The following ELOVL6 variants were observed in gnomAD, a reference collection of about 807,000 sequenced individuals.
ELOVL6 encodes the protein ELOVL fatty acid elongase 6.
A neutral mutation model predicts 31.7 loss-of-function variants in ELOVL6; 8 were observed. That is an observed-to-expected ratio of 0.25 (90% CI 0.15 to 0.45). The LOEUF is 0.45. Among genes scored for constraint, ELOVL6 ranks in the 20% least tolerant of loss-of-function variants. The probability of loss-of-function intolerance (pLI) is 1.00; values close to 1 mark genes in which losing one functional copy is unlikely to be tolerated. For missense variants in ELOVL6, 126 were observed against 326.4 expected (o/e 0.39, Z 4.73); for synonymous variants, 101 against 117.7 (o/e 0.86, Z 0.92).
chr4:110,130,019 T>G (rs1225149393), intron 1 of ELOVL6, among the ~76,000 whole-genome samples: 1 of 148,934 alleles, frequency 6.7e-6, no homozygotes, highest in African/African-American at 2.5e-5. Flanking sequence ...TGCCTCAGCC[T>G]CCTGAGTAGC....
chr4:110,091,962 A>G (rs936391726), intron 2 of ELOVL6, among the ~76,000 whole-genome samples: 6 of 152,216 alleles, frequency 3.9e-5, no homozygotes, highest in Non-Finnish European at 7.3e-5. Context: ...GATAACAATG[A>G]ATACAGTGAG....
intron 1 of ELOVL6, among the ~76,000 whole-genome samples, chr4:110,130,428 C>CG (rs1380770422): frequency 1.3e-5 from 2 of 151,906 alleles, no homozygotes; most frequent in African/African-American, 4.8e-5. Context: ...CATAAGACAG[C>CG]GGGGAAACAA....
At chr4:110,134,418 A>G (rs2126258724) in intron 1 of ELOVL6, among the ~76,000 whole-genome samples, 1 of 152,280 alleles carries the variant, frequency 6.6e-6, no homozygotes, top group Non-Finnish European at 1.5e-5. Flanking sequence ...AGTCACTATG[A>G]CACATGGAAG....
At chr4:110,166,537 C>T (rs546267619) in intron 1 of ELOVL6, among the ~76,000 whole-genome samples, 13 of 152,050 alleles carry the variant, frequency 8.5e-5, no homozygotes, top group Admixed American at 5.2e-4. Flanking sequence ...CGCTTGAACC[C>T]GGGAGGAGGG....
At chr4:110,166,187 T>A (rs562638974) in intron 1 of ELOVL6, among the ~76,000 whole-genome samples, 1 of 152,344 alleles carries the variant, frequency 6.6e-6, no homozygotes, top group East Asian at 1.9e-4. Flanking sequence ...GACTGCAGTG[T>A]TCTTTGACAT....
chr4:110,187,036 A>T lies in ELOVL6; in HGVS notation c.89+11211T>A, dbSNP rs536030044. Among the ~76,000 whole-genome samples, 256 of 151,254 alleles carry T rather than the reference A, an allele frequency of 1.7e-3. 1 individual carries two copies. Among genetic ancestry groups the T allele is most frequent in the Non-Finnish European group, 3.0e-3 (203 of 67,840 alleles). On this transcript the variant is annotated intron_variant, in intron 1 of 3. Coordinates refer to ENST00000302274, the MANE Select transcript of ELOVL6 (RefSeq NM_024090.3). ...ATGATGTCATGTAATAGTTATTATA[A>T]TTAGCCAATCCTTATCTTCACTCAT... is the stretch of plus-strand genomic sequence containing the variant.
At chr4:110,152,139 G>GC (rs1157258195) in intron 1 of ELOVL6, among the ~76,000 whole-genome samples, 5 of 151,940 alleles carry the variant, frequency 3.3e-5, no homozygotes, top group Admixed American at 6.5e-5. Flanking sequence ...CCTCCCATAT[G>GC]CCCCCCCAAA....
chr4:110,067,884 A>T (rs989886687), intron 2 of ELOVL6, among the ~76,000 whole-genome samples: 2 of 152,154 alleles, frequency 1.3e-5, no homozygotes, highest in Non-Finnish European at 2.9e-5. Context: ...TATGTCTTTC[A>T]CATATTTTAA....
intron 1 of ELOVL6, among the ~76,000 whole-genome samples, chr4:110,168,086 T>C (rs1475256964): frequency 2.6e-5 from 4 of 152,172 alleles, no homozygotes; most frequent in Non-Finnish European, 1.5e-5. Flanking sequence ...TATCAATTTA[T>C]GAACAGAGCC....
intron 2 of ELOVL6, among the ~76,000 whole-genome samples, chr4:110,072,875 A>G (rs1295448615): frequency 6.6e-6 from 1 of 152,146 alleles, no homozygotes; most frequent in Non-Finnish European, 1.5e-5. Flanking sequence ...AGCCCTAATC[A>G]AAGCCTTCCA....
At chr4:110,111,285 A>G (rs185617773) in intron 1 of ELOVL6, among the ~76,000 whole-genome samples, 42 of 152,222 alleles carry the variant, frequency 2.8e-4, no homozygotes, top group African/African-American at 1.0e-3. Context: ...AAAACGAAAA[A>G]ACTGCACATC....
At chr4:110,129,407 G>A (rs140834753) in intron 1 of ELOVL6, among the ~76,000 whole-genome samples, 89 of 152,278 alleles carry the variant, frequency 5.8e-4, no homozygotes, top group Non-Finnish European at 9.1e-4. Context: ...CCCACAAGAC[G>A]TTCTTTGATT....
At chr4:110,194,933 C>T (rs751649153) in intron 1 of ELOVL6, among the ~76,000 whole-genome samples, 22 of 152,156 alleles carry the variant, frequency 1.4e-4, no homozygotes, top group Admixed American at 3.3e-4. Flanking sequence ...TTTATAAGGA[C>T]AACCATAAAT....
At chr4:110,156,085 G>A (rs1758408677) in intron 1 of ELOVL6, among the ~76,000 whole-genome samples, 1 of 152,168 alleles carries the variant, frequency 6.6e-6, no homozygotes, top group South Asian at 2.1e-4. Context: ...GACAAATAAA[G>A]GAATAGAAAA....
intron 2 of ELOVL6, among the ~76,000 whole-genome samples, chr4:110,100,182 G>T (rs1424829192): frequency 1.3e-5 from 2 of 152,122 alleles, no homozygotes; most frequent in Admixed American, 6.5e-5. Flanking sequence ...CTGGTGATTT[G>T]GTTCTGAAAA....
intron 1 of ELOVL6, among the ~76,000 whole-genome samples, chr4:110,114,482 A>G (rs1192424979): frequency 6.6e-6 from 1 of 152,142 alleles, no homozygotes; most frequent in Non-Finnish European, 1.5e-5. Flanking sequence ...TTCCTGGCTG[A>G]TGGTCCTCTA....
At chr4:110,107,530 T>C (rs1425603998) in intron 1 of ELOVL6, among the ~76,000 whole-genome samples, 1 of 152,210 alleles carries the variant, frequency 6.6e-6, no homozygotes, top group Non-Finnish European at 1.5e-5. Flanking sequence ...AAGACATTGA[T>C]TATTTCTATA....
rs1470574642 is a variant in ELOVL6 at position 110,094,443 on chromosome 4, A to ATAT, written c.221+11053_221+11054insATA. On this transcript the variant is annotated intron_variant, in intron 2 of 3. Transcript: ENST00000302274. ...TATATATATATATATATATATATAT[A>ATAT]ATATATATAACATAATATATATTAC... 7.4e-4 allele frequency among the ~76,000 whole-genome samples: 44 copies of ATAT among 59,312 alleles called. 1 individual carries two copies. The highest frequency in any genetic ancestry group is 2.0e-3 in the South Asian group (3 of 1,492). 38.9% of individuals were successfully genotyped at this position (59,312 alleles called of 152,430 possible). A position where few individuals can be genotyped will look rare whatever the true frequency, so the allele number is the denominator to read the frequency against.
chr4:110,195,225 C>T lies in ELOVL6; in HGVS notation c.89+3022G>A, dbSNP rs147174816. 3.4e-3 allele frequency among the ~76,000 whole-genome samples: 524 copies of T among 152,244 alleles called. 2 individuals are homozygous for T. The highest frequency in any genetic ancestry group is 0.027 in the Middle Eastern group (8 of 294). On this transcript the variant is annotated intron_variant, in intron 1 of 3. Coordinates refer to ENST00000302274, the MANE Select transcript of ELOVL6 (RefSeq NM_024090.3). ...TTGAACCTCCCGGGTTCAAGCAATTCTCCTGCCTCAACCTCCCGAGTAGCT... is the reference window on the plus strand; with the variant it reads ...TTGAACCTCCCGGGTTCAAGCAATTTTCCTGCCTCAACCTCCCGAGTAGCT...
Sources: allele counts gnomAD v4.1 joint callset (sites outside exome capture counted in the v4.1 genomes callset), GRCh38; gene constraint gnomAD v4.1.1; transcripts MANE v1.5; gene names NCBI Gene and HGNC (gene_info 2026-07-23, HGNC 2026-07-21).